Variants in NBEA observed in about 807,000 individuals in gnomAD.
NBEA encodes lysosomal-trafficking regulator 2.
A neutral mutation model predicts 343.4 loss-of-function variants in NBEA; 44 were observed. The ratio of observed to expected loss-of-function variants is 0.13; its 90% CI spans 0.10 to 0.16. The LOEUF (loss-of-function observed/expected upper bound fraction) is 0.16. Ranked by LOEUF, NBEA falls within the 10% of genes least tolerant of loss-of-function variation. The pLI is 1.00. For synonymous variants in NBEA, 1,175 were observed against 1,238.7 expected (o/e 0.95, Z 1.08); for missense variants, 2,555 against 3,631.3 (o/e 0.70, Z 7.62).
chr13:35,019,630 A>G (rs1161266995), intron 1 of NBEA, among the ~76,000 whole-genome samples: 1 of 152,186 alleles, frequency 6.6e-6, no homozygotes, highest in African/African-American at 2.4e-5. Flanking sequence ...CTGTGAAATC[A>G]TCCAGATCTG....
intron 1 of NBEA, among the ~76,000 whole-genome samples, chr13:34,979,082 A>G (rs568687724): frequency 6.6e-6 from 1 of 152,338 alleles, no homozygotes; most frequent in South Asian, 2.1e-4. Flanking sequence ...TCAACAATGT[A>G]TAACAGATCT....
intron 1 of NBEA, among the ~76,000 whole-genome samples, chr13:35,025,557 G>C (rs554991101): frequency 6.6e-6 from 1 of 152,040 alleles, no homozygotes; most frequent in African/African-American, 2.4e-5. Flanking sequence ...CCTGGTTACT[G>C]TTGCCTTGTA....
chr13:35,324,203 G>A (rs1217196099), intron 36 of NBEA, among the ~76,000 whole-genome samples: 2 of 152,138 alleles, frequency 1.3e-5, no homozygotes, highest in Admixed American at 6.5e-5. Flanking sequence ...GAGAAGTGAG[G>A]AGATAAGATG....
chr13:35,409,303 G>C (rs1372965955), intron 38 of NBEA, among the ~76,000 whole-genome samples: 1 of 152,086 alleles, frequency 6.6e-6, no homozygotes, highest in Non-Finnish European at 1.5e-5. Flanking sequence ...GAGAACACAT[G>C]ACACATAGAG....
chr13:35,163,716 A>T (rs576799811), intron 23 of NBEA, among the ~76,000 whole-genome samples: 137 of 152,070 alleles, frequency 9.0e-4, no homozygotes, highest in Non-Finnish European at 1.1e-3. Flanking sequence ...ACACTGTACT[A>T]CCAACTTACT....
intron 32 of NBEA, among the ~76,000 whole-genome samples, chr13:35,210,040 C>G (rs879363018): frequency 6.6e-6 from 1 of 151,830 alleles, no homozygotes; most frequent in Non-Finnish European, 1.5e-5. Context: ...AAAGTATATA[C>G]GTTAAAAGTG....
chr13:35,156,286 A>G, intron 20 of NBEA, 80 bp downstream of exon 20: 2 of 1,346,544 alleles, frequency 1.5e-6, no homozygotes, highest in Non-Finnish European at 2.0e-6. Context: ...TTCATTTCAA[A>G]TCTTTTCCAT....
intron 33 of NBEA, among the ~76,000 whole-genome samples, chr13:35,224,827 A>G (rs1206556777): frequency 6.6e-6 from 1 of 152,136 alleles, no homozygotes; most frequent in Admixed American, 6.5e-5. Flanking sequence ...AAAACTGGAC[A>G]TCATGTATAG....
At chr13:35,522,957 A>T (rs1430791782) in intron 41 of NBEA, among the ~76,000 whole-genome samples, 1 of 152,140 alleles carries the variant, frequency 6.6e-6, no homozygotes, top group Non-Finnish European at 1.5e-5. Flanking sequence ...AGTGAAAATA[A>T]AAAGAACAGA....
At chr13:35,563,457 A>C (rs1295514013) in intron 44 of NBEA, among the ~76,000 whole-genome samples, 2 of 151,898 alleles carry the variant, frequency 1.3e-5, no homozygotes, top group Non-Finnish European at 2.9e-5. Context: ...AAAACATATC[A>C]ATGCAAAACC....
chr13:34,981,816 G>T (rs1412695618), intron 1 of NBEA, among the ~76,000 whole-genome samples: 1 of 151,026 alleles, frequency 6.6e-6, no homozygotes, highest in Non-Finnish European at 1.5e-5. Context: ...ATTGTGTTTT[G>T]CAAGGGATTT....
intron 40 of NBEA, among the ~76,000 whole-genome samples, chr13:35,452,576 C>T (rs1181831808): frequency 6.6e-6 from 1 of 152,122 alleles, no homozygotes; most frequent in Admixed American, 6.5e-5. Context: ...TTACGTGTAT[C>T]TCCAACATGC....
intron 32 of NBEA, among the ~76,000 whole-genome samples, chr13:35,209,825 C>T (rs1455133627): frequency 6.6e-6 from 1 of 152,024 alleles, no homozygotes; most frequent in Non-Finnish European, 1.5e-5. Flanking sequence ...GTAGAATGTA[C>T]TCTATTAAGA....
chr13:34,999,110 A>G (rs1423149503), intron 1 of NBEA, among the ~76,000 whole-genome samples: 1 of 152,166 alleles, frequency 6.6e-6, no homozygotes, highest in Admixed American at 6.6e-5. Flanking sequence ...CTTATGGTAG[A>G]AATAGAGACA....
At chr13:35,521,746 G>T (rs1181430264) in intron 41 of NBEA, among the ~76,000 whole-genome samples, 1 of 152,162 alleles carries the variant, frequency 6.6e-6, no homozygotes, top group African/African-American at 2.4e-5. Flanking sequence ...GTTTGCCTCG[G>T]CAACAAATGT....
At chr13:34,981,744 T>A (rs75618051) in intron 1 of NBEA, among the ~76,000 whole-genome samples, 1 of 152,032 alleles carries the variant, frequency 6.6e-6, no homozygotes, top group Admixed American at 6.6e-5. Flanking sequence ...TTTTTTTTTT[T>A]TATAATGGGG....
intron 1 of NBEA, among the ~76,000 whole-genome samples, chr13:34,950,848 G>A (rs947096847): frequency 6.6e-6 from 1 of 152,028 alleles, no homozygotes; most frequent in Non-Finnish European, 1.5e-5. Context: ...CAGCACTTTG[G>A]GAGTCTGAGG....
chr13:35,264,929 G>GA (rs142281607), intron 34 of NBEA, among the ~76,000 whole-genome samples: 619 of 148,154 alleles, frequency 4.2e-3, no homozygotes, highest in African/African-American at 5.4e-3. Flanking sequence ...ATCCAAATGA[G>GA]AAAAAAAAAA....
chr13:35,205,041 T>C (rs1778628236), intron 31 of NBEA, among the ~76,000 whole-genome samples: 1 of 152,152 alleles, frequency 6.6e-6, no homozygotes, highest in African/African-American at 2.4e-5. Context: ...TAATTTGTTA[T>C]CAACACATAC....
Sources: allele counts gnomAD v4.1 joint callset (sites outside exome capture counted in the v4.1 genomes callset), GRCh38; gene constraint gnomAD v4.1.1; transcripts MANE v1.5; gene names NCBI Gene and HGNC (gene_info 2026-07-23, HGNC 2026-07-21).